Variants in IGFBP2 observed in about 807,000 individuals in gnomAD.
The protein encoded by IGFBP2 is insulin like growth factor binding protein 2.
Under a neutral mutation model 26.2 loss-of-function variants are expected in IGFBP2, and 12 were observed. That is an observed-to-expected ratio of 0.46 (90% CI 0.29 to 0.74). The LOEUF (loss-of-function observed/expected upper bound fraction) is 0.74, where lower values mean the gene tolerates loss of function less well. IGFBP2 is among the 30% of genes least tolerant of loss of function. IGFBP2 has a pLI of 0.09. For missense variants in IGFBP2, 328 were observed against 441.2 expected (o/e 0.74, Z 2.30); for synonymous variants, 189 against 200.6 (o/e 0.94, Z 0.49).
rs1182570098 is a variant in IGFBP2, at chr2:216,662,012, C to T, written c.813+14C>T. The T allele has an allele frequency of 6.2e-7, 1 of 1,613,202 alleles. No homozygotes were observed. Among genetic ancestry groups the T allele is most frequent in the African/African-American group, 1.3e-5 (1 of 74,926 alleles). ...AACCTCAAACAGGTGAGCATGGTGC[C>T]AGCCTGGGCCAGAGCAGCTCCTCCT... On this transcript the variant is annotated intron_variant, in intron 3 of 3. Coordinates refer to ENST00000233809, the MANE Select transcript of IGFBP2 (RefSeq NM_000597.3).
chr2:216,659,800 C>T (rs774853409), intron 1 of IGFBP2: 1 of 1,416,264 alleles, frequency 7.1e-7, no homozygotes, highest in Non-Finnish European at 9.6e-7. Flanking sequence ...TTGGGGCTCT[C>T]AGTATAATGG....
intron 1 of IGFBP2, among the ~76,000 whole-genome samples, chr2:216,655,359 T>C (rs959879155): frequency 1.3e-5 from 2 of 152,166 alleles, no homozygotes; most frequent in South Asian, 2.1e-4. Flanking sequence ...GGGTCCCCCA[T>C]GTTGTTCTCG....
chr2:216,645,530 A>G (rs899889856), intron 1 of IGFBP2, among the ~76,000 whole-genome samples: 1 of 152,222 alleles, frequency 6.6e-6, no homozygotes, highest in Non-Finnish European at 1.5e-5. Flanking sequence ...TGAGGGGGAT[A>G]AGAAATTACC....
intron 1 of IGFBP2, among the ~76,000 whole-genome samples, chr2:216,657,607 G>A (rs116198505): frequency 0.021 from 3,118 of 152,020 alleles, 45 homozygotes; most frequent in South Asian, 0.06. Flanking sequence ...TGGGTCCCTG[G>A]GTGTCTGCTG....
chr2:216,651,227 G>GCCTC (rs1697817557), intron 1 of IGFBP2, among the ~76,000 whole-genome samples: 1 of 152,046 alleles, frequency 6.6e-6, no homozygotes, highest in African/African-American at 2.4e-5. Context: ...CCTAACTTCT[G>GCCTC]CCTCCCTCCC....
At chr2:216,646,482 AAG>A (rs1298905001) in intron 1 of IGFBP2, among the ~76,000 whole-genome samples, 2 of 152,224 alleles carry the variant, frequency 1.3e-5, no homozygotes, top group African/African-American at 4.8e-5. Context: ...GAATGAGAAA[AAG>A]AGTTAATGTA....
At chr2:216,636,006 T>A (rs1293071702) in intron 1 of IGFBP2, among the ~76,000 whole-genome samples, 1 of 151,852 alleles carries the variant, frequency 6.6e-6, no homozygotes, top group Non-Finnish European at 1.5e-5. Context: ...GTGACCAATG[T>A]CAGGGGTGCC....
intron 3 of IGFBP2, chr2:216,662,357 A>G (rs10185428): frequency 5.2e-4 from 141 of 271,376 alleles, no homozygotes; most frequent in African/African-American, 2.8e-3. Flanking sequence ...CCAAATTGCC[A>G]TGTGGTAGGT....
intron 1 of IGFBP2, among the ~76,000 whole-genome samples, chr2:216,638,951 C>T (rs374327666): frequency 1.7e-4 from 26 of 151,534 alleles, no homozygotes; most frequent in African/African-American, 5.6e-4. Context: ...CCGCCCACCT[C>T]GGCCTCCCAA....
At position 216,662,049 on chromosome 2, in the gene IGFBP2, C is replaced by T. The variant is rs759987451; in HGVS notation, c.813+51C>T. The T allele has an allele frequency of 6.9e-6, 11 of 1,595,318 alleles. No homozygotes were observed. The South Asian group carries it at 1.0e-4, about 15-fold the overall frequency. On this transcript the variant is annotated intron_variant, in intron 3 of 3. Coordinates refer to ENST00000233809, the MANE Select transcript of IGFBP2 (RefSeq NM_000597.3). ...GAGCAGCTCCTCCTCAGCCCTGGGC[C>T]CCAGATGTGCCTTGTTTCTGCCCCA...
intron 1 of IGFBP2, among the ~76,000 whole-genome samples, chr2:216,656,352 G>C (rs1008412233): frequency 6.6e-6 from 1 of 152,222 alleles, no homozygotes; most frequent in Non-Finnish European, 1.5e-5. Flanking sequence ...GCAGATGGAA[G>C]GGTAGCGGAG....
intron 1 of IGFBP2, among the ~76,000 whole-genome samples, chr2:216,650,216 A>G (rs1697791958): frequency 6.6e-6 from 1 of 152,106 alleles, no homozygotes; most frequent in South Asian, 2.1e-4. Context: ...TATTTTTAGC[A>G]AGCTCATCAG....
chr2:216,639,573 G>GA (rs1697572283), intron 1 of IGFBP2, among the ~76,000 whole-genome samples: 1 of 144,766 alleles, frequency 6.9e-6, no homozygotes, highest in Non-Finnish European at 1.5e-5. Flanking sequence ...TTTTTTTTTT[G>GA]TTTGTTTTTT....
chr2:216,660,594 G>A lies in IGFBP2; in HGVS notation c.480G>A (p.Glu160=), dbSNP rs1462344758. ...GDDHSEGGLV[E]NHVDSTMNML... is the part of the protein sequence containing the mutation. ...ACCACTCAGAAGGAGGCCTGGTGGA[G>A]AACCACGTGGACAGCACCATGAACA... Residue 160 remains glutamate, a synonymous_variant, in exon 2 of 4, where the codon GAG becomes GAA. Transcript: ENST00000233809. 1.2e-6 allele frequency: 2 copies of A among 1,613,022 alleles called. No homozygotes were observed. Among genetic ancestry groups the A allele is most frequent in the Admixed American group, 1.7e-5 (1 of 59,974 alleles).
chr2:216,637,480 T>A (rs1323261394), intron 1 of IGFBP2, among the ~76,000 whole-genome samples: 1 of 152,146 alleles, frequency 6.6e-6, no homozygotes, highest in Non-Finnish European at 1.5e-5. Context: ...AGAATCCGGG[T>A]CTTCTTTGTT....
intron 1 of IGFBP2, among the ~76,000 whole-genome samples, chr2:216,642,133 G>A (rs1322431439): frequency 2.0e-5 from 3 of 148,356 alleles, no homozygotes; most frequent in Non-Finnish European, 3.0e-5. Context: ...CTGAGTAGCT[G>A]GACTATAGGC....
chr2:216,655,029 T>C (rs745624657), intron 1 of IGFBP2, among the ~76,000 whole-genome samples: 2 of 152,148 alleles, frequency 1.3e-5, no homozygotes, highest in Non-Finnish European at 2.9e-5. Context: ...TAAAAACATA[T>C]ATTTTTAAAA....
chr2:216,644,028 C>G (rs1697664283), intron 1 of IGFBP2, among the ~76,000 whole-genome samples: 2 of 152,134 alleles, frequency 1.3e-5, no homozygotes, highest in Non-Finnish European at 2.9e-5. Flanking sequence ...TCTCTGGCCA[C>G]TCCTGTTCCT....
At chr2:216,663,666 G>T in intron 3 of IGFBP2, 1 of 357,526 alleles carries the variant, frequency 2.8e-6, no homozygotes, top group Non-Finnish European at 5.2e-6. Flanking sequence ...CGGGTGTCCT[G>T]AATGGCCTTG....
Sources: gnomAD v4.1 joint callset for allele counts (sites outside exome capture counted in the v4.1 genomes callset) on GRCh38, gnomAD v4.1.1 for gene constraint, MANE v1.5 for transcripts, NCBI Gene and HGNC (gene_info 2026-07-23, HGNC 2026-07-21) for gene names.